The following MAGI2 variants were observed in gnomAD, a reference collection of about 807,000 sequenced individuals.
The protein encoded by MAGI2 is membrane-associated guanylate kinase, WW and PDZ domain-containing protein 2.
A neutral mutation model predicts 133.3 loss-of-function variants in MAGI2; 35 were observed. The ratio of observed to expected loss-of-function variants is 0.26; its 90% CI spans 0.20 to 0.35. The LOEUF (loss-of-function observed/expected upper bound fraction) is 0.35, where lower values mean the gene tolerates loss of function less well. MAGI2 is among the 10% of genes least tolerant of loss of function. MAGI2 has a pLI of 1.00. For missense variants in MAGI2, 1,636 were observed against 1,863.4 expected, an observed-to-expected ratio of 0.88 and a Z score of 2.25; for synonymous variants, 729 against 710.6, an observed-to-expected ratio of 1.03 and a Z score of -0.41.
intron 2 of MAGI2, among the ~76,000 whole-genome samples, chr7:78,960,874 T>G (rs1802776652): frequency 6.6e-6 from 1 of 152,114 alleles, no homozygotes; most frequent in Admixed American, 6.6e-5. Flanking sequence ...TATTTTAAAC[T>G]GAAACCTTAA....
intron 2 of MAGI2, chr7:78,901,251 T>G (rs1470059155): frequency 6.6e-6 from 1 of 152,170 alleles, no homozygotes; most frequent in Non-Finnish European, 1.5e-5. Flanking sequence ...ATTTGAAAAA[T>G]TCAGACCAAT....
At chr7:79,111,855 G>A (rs1818954141) in intron 1 of MAGI2, among the ~76,000 whole-genome samples, 1 of 152,038 alleles carries the variant, frequency 6.6e-6, no homozygotes, top group Non-Finnish European at 1.5e-5. Flanking sequence ...TTTTAGTACA[G>A]ACGGGGTTTC....
rs114522177 is a variant in MAGI2 at position 78,840,282 on chromosome 7, T to C, written c.418+166808A>G. The stretch of plus-strand genomic sequence containing the variant: ...TTGGAACTTTAGTTAGTTAAATCTA[T>C]ATAATTGGTTTTTTAAAATTGCTTT... On this transcript the variant is annotated intron_variant, in intron 2 of 21. Transcript: ENST00000354212. 2.4e-3 allele frequency among the ~76,000 whole-genome samples: 361 copies of C among 152,178 alleles called. 3 individuals are homozygous for C. Among genetic ancestry groups the C allele is most frequent in the African/African-American group, 8.2e-3 (342 of 41,556 alleles).
chr7:78,048,581 CTTAAT>C (rs1379512476), intron 21 of MAGI2, among the ~76,000 whole-genome samples: 1 of 152,136 alleles, frequency 6.6e-6, no homozygotes, highest in Non-Finnish European at 1.5e-5. Context: ...AAAGAACTCT[CTTAAT>C]TTAGATTTTC....
chr7:78,274,111 T>A (rs1458343622), intron 9 of MAGI2, among the ~76,000 whole-genome samples: 1 of 152,188 alleles, frequency 6.6e-6, no homozygotes, highest in South Asian at 2.1e-4. Context: ...GACCTTCGGA[T>A]GGAGTTTCTG....
intron 2 of MAGI2, among the ~76,000 whole-genome samples, chr7:78,688,810 G>A (rs941830205): frequency 1.3e-5 from 2 of 152,022 alleles, no homozygotes; most frequent in Non-Finnish European, 2.9e-5. Context: ...TTTTTAGAAC[G>A]CTAAAATACA....
chr7:79,186,226 A>ACT (rs1827109209), intron 1 of MAGI2, among the ~76,000 whole-genome samples: 1 of 60,338 alleles, frequency 1.7e-5, no homozygotes, highest in Admixed American at 1.8e-4. Context: ...ATATATATAT[A>ACT]TATATATATA....
intron 1 of MAGI2, among the ~76,000 whole-genome samples, chr7:79,229,426 CA>C (rs1831159514): frequency 6.6e-6 from 1 of 152,144 alleles, no homozygotes; most frequent in African/African-American, 2.4e-5. Flanking sequence ...AAGAGATCGG[CA>C]TAGAAGGGGG....
At chr7:79,376,841 G>T (rs2527775) in intron 1 of MAGI2, among the ~76,000 whole-genome samples, 26,154 of 147,440 alleles carry the variant, frequency 0.18, 2,520 homozygotes, top group East Asian at 0.29. Context: ...TGTGTGTGTG[G>T]GTGTATGGCG....
intron 21 of MAGI2, among the ~76,000 whole-genome samples, chr7:78,071,564 G>C (rs1463413144): frequency 6.6e-6 from 1 of 152,128 alleles, no homozygotes; most frequent in African/African-American, 2.4e-5. Flanking sequence ...GAAAGCCCCT[G>C]TCTCTGGCTC....
intron 10 of MAGI2, among the ~76,000 whole-genome samples, chr7:78,247,679 T>C (rs1030127318): frequency 6.6e-6 from 1 of 152,078 alleles, no homozygotes; most frequent in East Asian, 1.9e-4. Context: ...AGAGCTTCAG[T>C]AGCAGACTAG....
At chr7:78,142,602 T>C (rs1822872493) in intron 16 of MAGI2, among the ~76,000 whole-genome samples, 1 of 152,232 alleles carries the variant, frequency 6.6e-6, no homozygotes. Flanking sequence ...TCACTCATTA[T>C]TGTGTCATTG....
chr7:79,443,578 T>C (rs935704763), intron 1 of MAGI2, among the ~76,000 whole-genome samples: 5 of 152,130 alleles, frequency 3.3e-5, no homozygotes, highest in African/African-American at 1.2e-4. Flanking sequence ...ATCCTCCACA[T>C]AGCAACACAA....
At chr7:79,352,963 T>C (rs1360119869) in intron 1 of MAGI2, among the ~76,000 whole-genome samples, 1 of 152,132 alleles carries the variant, frequency 6.6e-6, no homozygotes, top group Non-Finnish European at 1.5e-5. Flanking sequence ...CAAGTGCCTT[T>C]ACGTACTTTA....
chr7:78,494,896 G>A (rs935651327), intron 5 of MAGI2, among the ~76,000 whole-genome samples: 30 of 152,024 alleles, frequency 2.0e-4, no homozygotes, highest in African/African-American at 6.8e-4. Flanking sequence ...CAGCCTCCCC[G>A]CCCCCGGGAA....
At chr7:78,368,478 C>G (rs1793607154) in intron 7 of MAGI2, among the ~76,000 whole-genome samples, 1 of 152,118 alleles carries the variant, frequency 6.6e-6, no homozygotes, top group Admixed American at 6.5e-5. Context: ...GAATGAAAAA[C>G]AATCGTCTGT....
chr7:79,155,319 T>C (rs1823667341), intron 1 of MAGI2, among the ~76,000 whole-genome samples: 1 of 152,254 alleles, frequency 6.6e-6, no homozygotes, highest in East Asian at 1.9e-4. Context: ...ATTTGCTCAG[T>C]ATATTTTACA....
chr7:78,759,601 ATGT>A (rs1824283603), intron 2 of MAGI2, among the ~76,000 whole-genome samples: 1 of 152,210 alleles, frequency 6.6e-6, no homozygotes, highest in South Asian at 2.1e-4. Context: ...TTTGAATGTC[ATGT>A]TGTTAAAACC....
chr7:78,510,878 A>G (rs1477284522), intron 4 of MAGI2, among the ~76,000 whole-genome samples: 2 of 152,100 alleles, frequency 1.3e-5, no homozygotes, highest in African/African-American at 4.8e-5. Flanking sequence ...TACTGGTCCA[A>G]AGCTTGGTCT....
Sources: gnomAD v4.1 joint callset for allele counts (sites outside exome capture counted in the v4.1 genomes callset) on GRCh38, gnomAD v4.1.1 for gene constraint, MANE v1.5 for transcripts, NCBI Gene and HGNC (gene_info 2026-07-23, HGNC 2026-07-21) for gene names.